The following CAMSAP2 variants were observed in gnomAD, a reference collection of about 807,000 sequenced individuals.
The protein encoded by CAMSAP2 is calmodulin regulated spectrin associated protein family member 2, also known as calmodulin-regulated spectrin-associated protein 2.
Under a neutral mutation model 146.1 loss-of-function variants are expected in CAMSAP2, and 26 were observed. The ratio of observed to expected loss-of-function variants is 0.18; its 90% CI spans 0.13 to 0.25. The LOEUF is 0.25. Among genes scored for constraint, CAMSAP2 ranks in the 10% least tolerant of loss-of-function variants. The pLI is 1.00. For synonymous variants in CAMSAP2, 499 were observed against 596.6 expected, an observed-to-expected ratio of 0.84 and a Z score of 2.38; for missense variants, 1,381 against 1,759.3, an observed-to-expected ratio of 0.78 and a Z score of 3.85.
At chr1:200,776,179 T>C (rs1436212797) in intron 2 of CAMSAP2, among the ~76,000 whole-genome samples, 1 of 152,216 alleles carries the variant, frequency 6.6e-6, no homozygotes, top group Non-Finnish European at 1.5e-5. Context: ...TCATAGTATT[T>C]GGTCAGGGAG....
intron 2 of CAMSAP2, among the ~76,000 whole-genome samples, chr1:200,780,172 A>G (rs1026624797): frequency 6.6e-6 from 1 of 152,204 alleles, no homozygotes; most frequent in African/African-American, 2.4e-5. Context: ...AATGTTTAGA[A>G]TTTAGATTTA....
At chr1:200,837,129 A>C (rs1558201831) in intron 6 of CAMSAP2, among the ~76,000 whole-genome samples, 1 of 151,980 alleles carries the variant, frequency 6.6e-6, no homozygotes, top group Admixed American at 6.6e-5. Context: ...CTTTTGTTGC[A>C]ACTTCTTTTG....
intron 1 of CAMSAP2, among the ~76,000 whole-genome samples, chr1:200,754,881 C>T (rs56255908): frequency 0.099 from 15,003 of 152,056 alleles, 854 homozygotes; most frequent in East Asian, 0.17. Flanking sequence ...CGCGCCTGGC[C>T]GAAAGAGCTT....
At position 200,809,710 on chromosome 1, in the gene CAMSAP2, G is replaced by A. The variant is rs1260812489; in HGVS notation, c.561+2173G>A. ...CGCGCCAGTGCACTCCGGCCTGGGT[G>A]ACAGAGCGAGATCCTCTCAAAATAA... On this transcript the variant is annotated intron_variant, in intron 3 of 16. Coordinates refer to ENST00000358823, the MANE Select transcript of CAMSAP2 (RefSeq NM_203459.4). Among the ~76,000 whole-genome samples the A allele has an allele frequency of 3.9e-5, 6 of 152,214 alleles. 1 individual carries two copies. Among genetic ancestry groups the A allele is most frequent in the Admixed American group, 3.9e-4 (6 of 15,288 alleles).
intron 4 of CAMSAP2, among the ~76,000 whole-genome samples, chr1:200,830,100 A>G (rs954522576): frequency 1.3e-5 from 2 of 152,272 alleles, no homozygotes; most frequent in Non-Finnish European, 2.9e-5. Context: ...TTATAAAGCA[A>G]ATAGCATGTT....
intron 2 of CAMSAP2, among the ~76,000 whole-genome samples, chr1:200,776,591 G>A (rs1328308211): frequency 1.3e-5 from 2 of 152,152 alleles, no homozygotes; most frequent in Non-Finnish European, 1.5e-5. Flanking sequence ...TGGGTGTGTT[G>A]TTGGGTGCCT....
intron 4 of CAMSAP2, among the ~76,000 whole-genome samples, chr1:200,829,128 C>A (rs1666980055): frequency 6.6e-6 from 1 of 152,166 alleles, no homozygotes; most frequent in South Asian, 2.1e-4. Flanking sequence ...GCACTCCAGC[C>A]TGGGCAACAA....
intron 4 of CAMSAP2, among the ~76,000 whole-genome samples, chr1:200,816,854 A>ACG (rs1422396810): frequency 1.4e-5 from 1 of 73,266 alleles, no homozygotes; most frequent in Non-Finnish European, 2.7e-5. Context: ...GTACACACAC[A>ACG]CGCGTGTGTA....
chr1:200,856,174 T>C, intron 15 of CAMSAP2, 49 bp downstream of exon 15: 1 of 1,345,136 alleles, frequency 7.4e-7, no homozygotes, highest in South Asian at 1.2e-5. Flanking sequence ...AACACACTCA[T>C]AAATGGAGGG....
intron 2 of CAMSAP2, among the ~76,000 whole-genome samples, chr1:200,770,781 A>C (rs935402689): frequency 6.6e-6 from 1 of 152,210 alleles, no homozygotes; most frequent in African/African-American, 2.4e-5. Context: ...TTCTGATAAT[A>C]ACCAGAGAAG....
chr1:200,814,143 T>TGGGCGGGGGGGAGGGGG (rs1666412988), intron 3 of CAMSAP2, among the ~76,000 whole-genome samples: 35 of 8,598 alleles, frequency 4.1e-3, no homozygotes, highest in African/African-American at 4.6e-3. Flanking sequence ...GGGGGAGGGG[T>TGGGCGGGGGGGAGGGGG]GGGCGGGTGG....
At chr1:200,789,442 C>G (rs1481301698) in intron 2 of CAMSAP2, among the ~76,000 whole-genome samples, 2 of 151,714 alleles carry the variant, frequency 1.3e-5, no homozygotes, top group Non-Finnish European at 2.9e-5. Context: ...CTGTCTTTCT[C>G]CACTGCATTG....
At chr1:200,833,423 T>TG (rs762156550) in intron 6 of CAMSAP2, among the ~76,000 whole-genome samples, 2 of 151,836 alleles carry the variant, frequency 1.3e-5, no homozygotes, top group Non-Finnish European at 2.9e-5. Context: ...TAGCTGGGAG[T>TG]GGTGGCATGT....
intron 2 of CAMSAP2, among the ~76,000 whole-genome samples, chr1:200,796,138 C>T (rs541408055): frequency 1.3e-5 from 2 of 152,280 alleles, no homozygotes; most frequent in Admixed American, 1.3e-4. Flanking sequence ...AGCAGTGGCA[C>T]CTTTGGTCCT....
Position 200,756,040 on chromosome 1 carries a change from C to T in CAMSAP2, c.140-4799C>T, listed in dbSNP as rs561429218. Among the ~76,000 whole-genome samples the T allele has an allele frequency of 3.0e-4, 46 of 152,258 alleles. 2 individuals carry two copies. In the South Asian group the frequency reaches 8.9e-3, roughly 30 times the overall value. ...AACAGGAAGAGTTGGGTGTTTGGAA[C>T]ATAGCGGCCTGGGGAAAGTGGAGGA... On this transcript the variant is annotated intron_variant, in intron 1 of 16. Coordinates refer to ENST00000358823, the MANE Select transcript of CAMSAP2 (RefSeq NM_203459.4).
intron 7 of CAMSAP2, 141 bp downstream of exon 7, chr1:200,842,228 T>G (rs1667342840): frequency 1.6e-6 from 1 of 623,706 alleles, no homozygotes. Context: ...TAGATTCTCC[T>G]AACCTCTTAA....
At chr1:200,747,667 C>T (rs1452334093) in intron 1 of CAMSAP2, among the ~76,000 whole-genome samples, 2 of 152,102 alleles carry the variant, frequency 1.3e-5, no homozygotes, top group Non-Finnish European at 2.9e-5. Context: ...TAGCTGTGCC[C>T]TTGTTGATGT....
chr1:200,747,393 A>T (rs906457983), intron 1 of CAMSAP2, among the ~76,000 whole-genome samples: 1 of 152,238 alleles, frequency 6.6e-6, no homozygotes, highest in African/African-American at 2.4e-5. Context: ...ACTCTCAAAA[A>T]GATCCATTAG....
At chr1:200,834,147 G>T (rs1667115424) in intron 6 of CAMSAP2, among the ~76,000 whole-genome samples, 1 of 151,900 alleles carries the variant, frequency 6.6e-6, no homozygotes, top group Non-Finnish European at 1.5e-5. Flanking sequence ...GCAGATCACT[G>T]AGGCGAGGAG....
Sources: allele counts gnomAD v4.1 joint callset (sites outside exome capture counted in the v4.1 genomes callset), GRCh38; gene constraint gnomAD v4.1.1; transcripts MANE v1.5; gene names NCBI Gene and HGNC (gene_info 2026-07-23, HGNC 2026-07-21).